Variants in GRID2 observed in about 807,000 individuals in gnomAD.
The protein encoded by GRID2 is glutamate receptor ionotropic, delta-2.
GRID2 carries 33 observed loss-of-function variants against 114.8 expected under a neutral mutation model. That is an observed-to-expected ratio of 0.29 (90% CI 0.22 to 0.38). The LOEUF (loss-of-function observed/expected upper bound fraction) is 0.38, where lower values mean the gene tolerates loss of function less well. Ranked by LOEUF, GRID2 falls within the 10% of genes least tolerant of loss-of-function variation. The pLI is 1.00. For missense variants in GRID2, 1,184 were observed against 1,257.7 expected (o/e 0.94, Z 0.89); for synonymous variants, 505 against 449.9 (o/e 1.12, Z -1.55).
intron 2 of GRID2, among the ~76,000 whole-genome samples, chr4:92,661,630 A>G (rs535884737): frequency 1.3e-5 from 2 of 151,148 alleles, no homozygotes; most frequent in South Asian, 4.1e-4. Context: ...TACAAATCAT[A>G]CCTGATTGAT....
intron 1 of GRID2, among the ~76,000 whole-genome samples, chr4:92,474,760 T>C (rs1367517427): frequency 1.3e-5 from 2 of 152,078 alleles, no homozygotes; most frequent in Non-Finnish European, 2.9e-5. Context: ...ATTAGTGATG[T>C]TGAGCATTTT....
chr4:92,519,346 T>C (rs145504473), intron 1 of GRID2, among the ~76,000 whole-genome samples: 2 of 151,782 alleles, frequency 1.3e-5, no homozygotes, highest in Admixed American at 1.3e-4. Flanking sequence ...CCATTAGTAA[T>C]TAGATATTTA....
chr4:93,621,679 T>C (rs17356974), intron 13 of GRID2, among the ~76,000 whole-genome samples: 18,342 of 152,232 alleles, frequency 0.12, 1,149 homozygotes, highest in Middle Eastern at 0.14. Context: ...GAGTTTTCAT[T>C]TGATGGTTAA....
At chr4:93,165,716 G>A (rs1435011453) in intron 4 of GRID2, among the ~76,000 whole-genome samples, 3 of 151,968 alleles carry the variant, frequency 2.0e-5, no homozygotes, top group Non-Finnish European at 4.4e-5. Flanking sequence ...AACAATAGTA[G>A]CAACTTAACA....
At chr4:93,519,327 G>A (rs181001929) in intron 13 of GRID2, among the ~76,000 whole-genome samples, 110 of 152,258 alleles carry the variant, frequency 7.2e-4, no homozygotes, top group African/African-American at 2.2e-3. Flanking sequence ...TGGTGACTCA[G>A]CAACATTCTG....
chr4:93,590,352 A>G (rs1738087351), intron 13 of GRID2, among the ~76,000 whole-genome samples: 1 of 150,392 alleles, frequency 6.6e-6, no homozygotes, highest in South Asian at 2.1e-4. Flanking sequence ...TTTGTCAAAG[A>G]TCAGATAGTT....
intron 2 of GRID2, among the ~76,000 whole-genome samples, chr4:92,713,502 T>C (rs1344047554): frequency 1.5e-5 from 2 of 131,732 alleles, no homozygotes; most frequent in South Asian, 2.4e-4. Context: ...TATATATATA[T>C]ATATATATAT....
At chr4:93,539,350 T>A in intron 13 of GRID2, among the ~76,000 whole-genome samples, 1 of 152,130 alleles carries the variant, frequency 6.6e-6, no homozygotes, top group East Asian at 1.9e-4. Flanking sequence ...TTAGCAATTA[T>A]CTCATTTTGT....
At chr4:93,367,606 T>G (rs1263218543) in intron 8 of GRID2, among the ~76,000 whole-genome samples, 1 of 152,154 alleles carries the variant, frequency 6.6e-6, no homozygotes, top group Non-Finnish European at 1.5e-5. Context: ...GCTGGTTGCT[T>G]TTTTGATAGC....
chr4:93,076,227 G>A (rs1325713041), intron 2 of GRID2, among the ~76,000 whole-genome samples: 1 of 151,992 alleles, frequency 6.6e-6, no homozygotes, highest in African/African-American at 2.4e-5. Flanking sequence ...AAGAAATAAG[G>A]TAATTAAAAT....
intron 14 of GRID2, among the ~76,000 whole-genome samples, chr4:93,667,029 C>A (rs1233117033): frequency 6.6e-6 from 1 of 152,008 alleles, no homozygotes; most frequent in Non-Finnish European, 1.5e-5. Flanking sequence ...GTACAAACAT[C>A]TATTGAAAAC....
Position 93,085,207 on chromosome 4 carries a change from C to T in GRID2, c.457C>T (p.His153Tyr). 6.2e-7 allele frequency: 1 copy of T among 1,613,614 alleles called. No individual in the cohort carries two copies. The highest frequency in any genetic ancestry group is 1.1e-5 in the South Asian group (1 of 91,076). Residue 153 changes from histidine (H) to tyrosine (Y), a missense_variant, in exon 3 of 16, where the codon CAT becomes TAT. His to Tyr is a moderately conservative substitution (Grantham distance 83). Around this residue, in one of 3 missense-constraint regions of GRID2, gnomAD observed 455 missense variants for 429.5 expected, o/e 1.06. Coordinates refer to ENST00000282020, the MANE Select transcript of GRID2 (RefSeq NM_001510.4). ...CTCAGTTCGCCCACCTGTCTACTTG[C>T]ATGATGTTATCCTAAGAGTGGTCAC... ...TLSVRPPVYL[H>Y]DVILRVVTEY...
At chr4:92,576,492 G>A (rs778291974) in intron 1 of GRID2, among the ~76,000 whole-genome samples, 4 of 152,130 alleles carry the variant, frequency 2.6e-5, no homozygotes, top group Non-Finnish European at 4.4e-5. Flanking sequence ...GGCACTGCTC[G>A]GCTCCCTGGA....
intron 2 of GRID2, among the ~76,000 whole-genome samples, chr4:92,709,916 A>G (rs896975159): frequency 6.6e-6 from 1 of 152,098 alleles, no homozygotes; most frequent in Non-Finnish European, 1.5e-5. Context: ...AAAAAGTACT[A>G]TTATTCTAAT....
rs114043796 is a variant in GRID2, at chr4:92,835,758, C to T, written c.244+245472C>T. Among the ~76,000 whole-genome samples, 469 of 152,254 alleles carry T rather than the reference C, an allele frequency of 3.1e-3. 2 individuals carry two copies. The highest frequency in any genetic ancestry group is 0.01 in the Middle Eastern group (3 of 294). ...TAAAATTTACATACACAAATGTATG[C>T]ATACATATAAACCTTAAAAAATTGT... On this transcript the variant is annotated intron_variant, in intron 2 of 15. Coordinates refer to ENST00000282020, the MANE Select transcript of GRID2 (RefSeq NM_001510.4).
intron 8 of GRID2, among the ~76,000 whole-genome samples, chr4:93,336,995 T>A (rs1759157365): frequency 6.6e-6 from 1 of 152,170 alleles, no homozygotes; most frequent in Non-Finnish European, 1.5e-5. Context: ...AAATCTTTAC[T>A]TATCCCTTGT....
intron 8 of GRID2, among the ~76,000 whole-genome samples, chr4:93,285,295 A>T (rs1045882324): frequency 1.3e-5 from 2 of 152,112 alleles, no homozygotes; most frequent in African/African-American, 4.8e-5. Context: ...CAAGTTTGAG[A>T]AACCCTATAT....
chr4:92,999,851 T>C (rs1394481648), intron 2 of GRID2, among the ~76,000 whole-genome samples: 4 of 151,792 alleles, frequency 2.6e-5, no homozygotes, highest in Admixed American at 2.0e-4. Flanking sequence ...GTTTATATTT[T>C]CATTAGAGAT....
At chr4:92,665,712 G>GTT (rs148396155) in intron 2 of GRID2, among the ~76,000 whole-genome samples, 5 of 146,616 alleles carry the variant, frequency 3.4e-5, no homozygotes, top group African/African-American at 1.2e-4. Context: ...TGGTTGACAT[G>GTT]TTTTTTTTTT....
Sources: allele counts gnomAD v4.1 joint callset (sites outside exome capture counted in the v4.1 genomes callset), GRCh38; gene constraint gnomAD v4.1.1; regional missense constraint gnomAD v4.1.1; transcripts MANE v1.5; gene names NCBI Gene and HGNC (gene_info 2026-07-23, HGNC 2026-07-21).